RMND1: variants seen among roughly 807,000 people sequenced by gnomAD.
RMND1 encodes the protein required for meiotic nuclear division protein 1 homolog.
RMND1 carries 41 observed loss-of-function variants against 54.0 expected under a neutral mutation model. The ratio of observed to expected loss-of-function variants is 0.76; its 90% CI spans 0.59 to 0.98. The LOEUF is 0.98. RMND1 is among the 50% of genes least tolerant of loss of function. The pLI is 0.00. For missense variants in RMND1, 457 were observed against 532.0 expected, an observed-to-expected ratio of 0.86 and a Z score of 1.39; for synonymous variants, 183 against 181.7, an observed-to-expected ratio of 1.01 and a Z score of -0.06.
At chr6:151,413,283 ACT>A (rs1403524439) in intron 10 of RMND1, among the ~76,000 whole-genome samples, 1 of 152,230 alleles carries the variant, frequency 6.6e-6, no homozygotes, top group Non-Finnish European at 1.5e-5. Context: ...AGACAGTCTC[ACT>A]CTGTCACCCA....
At chr6:151,408,070 A>G (rs1779689544) in intron 10 of RMND1, among the ~76,000 whole-genome samples, 1 of 152,190 alleles carries the variant, frequency 6.6e-6, no homozygotes, top group African/African-American at 2.4e-5. Context: ...GGCAGTGGAC[A>G]TGAAGAAAAG....
At chr6:151,410,327 T>A (rs959414477) in intron 10 of RMND1, among the ~76,000 whole-genome samples, 1 of 152,176 alleles carries the variant, frequency 6.6e-6, no homozygotes, top group Non-Finnish European at 1.5e-5. Flanking sequence ...AATGCTGGGA[T>A]TACAGGCATG....
Position 151,421,242 on chromosome 6 carries a change from T to C in RMND1, c.1079+3A>G. ...ATATTTTATTTAGAGAGAAAACTTTTACCTTAGAGCAAAGAGTTCACCGAT... is the reference window on the plus strand; with the variant it reads ...ATATTTTATTTAGAGAGAAAACTTTCACCTTAGAGCAAAGAGTTCACCGAT... On this transcript the variant is annotated splice_donor_region_variant and intron_variant, in intron 9 of 11. Transcript: ENST00000444024. 1 of 1,585,322 alleles carries C rather than the reference T, an allele frequency of 6.3e-7. No homozygotes were observed. Among genetic ancestry groups the C allele is most frequent in the Non-Finnish European group, 8.6e-7 (1 of 1,160,574 alleles).
At chr6:151,428,874 T>A (rs943741084) in intron 5 of RMND1, among the ~76,000 whole-genome samples, 2 of 152,184 alleles carry the variant, frequency 1.3e-5, no homozygotes, top group African/African-American at 4.8e-5. Context: ...AAAGTAGTTT[T>A]TCCAAATGTA....
intron 5 of RMND1, 80 bp from the exon 6 acceptor site, chr6:151,427,662 A>T: frequency 1.2e-6 from 1 of 860,310 alleles, no homozygotes; most frequent in South Asian, 1.5e-5. Context: ...TGCTTATAAC[A>T]GTCTTCATTA....
At position 151,445,298 on chromosome 6, in the gene RMND1, C is replaced by T. The variant is rs1177070773; in HGVS notation, c.504+10G>A. Reference sequence around the variant, plus strand: ...ACTAAGCACGAGAGCCACGGCCACCCCTACTTTACCTCGTTCACAGACAGA... The same window carrying T: ...ACTAAGCACGAGAGCCACGGCCACCTCTACTTTACCTCGTTCACAGACAGA... On this transcript the variant is annotated intron_variant, in intron 2 of 11. Transcript: ENST00000444024. 16 of 1,597,418 alleles carry T rather than the reference C, an allele frequency of 1.0e-5. 1 individual carries two copies. In the Middle Eastern group the frequency reaches 5.0e-4, roughly 50 times the overall value.
At chr6:151,439,217 T>C (rs1442017617) in intron 2 of RMND1, among the ~76,000 whole-genome samples, 1 of 152,240 alleles carries the variant, frequency 6.6e-6, no homozygotes, top group Non-Finnish European at 1.5e-5. Flanking sequence ...AGAAATTACA[T>C]ACTATCTATG....
Position 151,421,285 on chromosome 6 carries a change from C to T in RMND1, c.1039G>A (p.Glu347Lys), listed in dbSNP as rs778086286. ...TCACCGATTTTCTGCATAACTTCTTCATGAGATAGTTTCACTTTCTTCCCA... is the reference window on the plus strand; with the variant it reads ...TCACCGATTTTCTGCATAACTTCTTTATGAGATAGTTTCACTTTCTTCCCA... ...KAGKKVKLSH[E>K]EVMQKIGELF... The change falls in exon 9 of 12, where the codon GAA (glutamate) becomes AAA (lysine). Residue 347 changes from glutamate (E) to lysine (K), a missense_variant. Coordinates refer to ENST00000444024, the MANE Select transcript of RMND1 (RefSeq NM_017909.4). 9.3e-6 allele frequency: 15 copies of T among 1,612,716 alleles called. No individual in the cohort carries two copies. The Admixed American group carries it at 1.7e-4, about 18-fold the overall frequency.
At chr6:151,450,704 T>C (rs9371521) in intron 1 of RMND1, among the ~76,000 whole-genome samples, 81,235 of 150,780 alleles carry the variant, frequency 0.54, 24,676 homozygotes, top group African/African-American at 0.82. Context: ...GGAGGTGTAC[T>C]CAACAGCTCA....
intron 6 of RMND1, among the ~76,000 whole-genome samples, chr6:151,424,865 G>A (rs1780250794): frequency 6.7e-6 from 1 of 149,240 alleles, no homozygotes. Flanking sequence ...CCAAAGGGAG[G>A]GGGACAAGGG....
chr6:151,433,233 G>A lies in RMND1; in HGVS notation c.614-3C>T. On this transcript the variant is annotated splice_polypyrimidine_tract_variant and splice_region_variant and intron_variant, in intron 3 of 11. Transcript: ENST00000444024. ...CATCACCAAAATATTTGCTGCATCT[G>A]TGATTTAAAATAAACGAACAAAAAA... The A allele has an allele frequency of 6.2e-7, 1 of 1,606,094 alleles. No homozygotes were observed. The highest frequency in any genetic ancestry group is 8.5e-7 in the Non-Finnish European group (1 of 1,174,352).
chr6:151,422,540 C>G lies in RMND1; in HGVS notation c.1002+1G>C. 1 of 1,457,112 alleles carries G rather than the reference C, an allele frequency of 6.9e-7. No individual in the cohort carries two copies. The highest frequency in any genetic ancestry group is 9.3e-7 in the Non-Finnish European group (1 of 1,071,768). 90.3% of individuals were successfully genotyped at this position (1,457,112 alleles called of 1,614,324 possible). ...AATAAGCATAAAATTGATATAATTA[C>G]CTCAGGAATTGACTGAATAGATTCA... is the stretch of plus-strand genomic sequence containing the variant. On this transcript the variant is annotated splice_donor_variant, in intron 8 of 11. Coordinates refer to ENST00000444024, the MANE Select transcript of RMND1 (RefSeq NM_017909.4). LOFTEE classifies it high-confidence loss of function.
At chr6:151,448,954 A>G (rs893791729) in intron 1 of RMND1, among the ~76,000 whole-genome samples, 2 of 150,538 alleles carry the variant, frequency 1.3e-5, no homozygotes, top group African/African-American at 4.9e-5. Context: ...GCATGGGCCT[A>G]TAATCCCAGT....
chr6:151,449,371 A>C (rs1313994523), intron 1 of RMND1, among the ~76,000 whole-genome samples: 23 of 117,138 alleles, frequency 2.0e-4, no homozygotes, highest in African/African-American at 6.9e-4. Flanking sequence ...TCTGTAACGA[A>C]AAAAAAAAAA....
chr6:151,423,495 T>C, intron 7 of RMND1, 30 bp downstream of exon 7: 1 of 1,373,814 alleles, frequency 7.3e-7, no homozygotes, highest in Non-Finnish European at 1.0e-6. Context: ...ACAACTGTAG[T>C]ACCCTATCCC....
At chr6:151,424,121 G>A (rs376995357) in intron 6 of RMND1, among the ~76,000 whole-genome samples, 34 of 152,056 alleles carry the variant, frequency 2.2e-4, no homozygotes, top group African/African-American at 5.8e-4. Flanking sequence ...AAAGTGGTGC[G>A]ACTACAGGTG....
intron 10 of RMND1, chr6:151,413,942 C>T (rs1282001082): frequency 6.6e-6 from 1 of 152,224 alleles, no homozygotes; most frequent in East Asian, 1.9e-4. Flanking sequence ...TCAGTGACAA[C>T]TGCAGATAGC....
At chr6:151,447,043 G>T (rs963694824) in intron 1 of RMND1, among the ~76,000 whole-genome samples, 2 of 152,182 alleles carry the variant, frequency 1.3e-5, no homozygotes, top group African/African-American at 2.4e-5. Flanking sequence ...AATTGCTCTA[G>T]TCCAGAGAAA....
At position 151,417,144 on chromosome 6, in the gene RMND1, CAG is replaced by C. The variant is rs1273837602; in HGVS notation, c.1200+133_1200+134del. 79 of 958,156 alleles carry C rather than the reference CAG, an allele frequency of 8.2e-5. No individual in the cohort carries two copies. The African/African-American group carries it at 1.2e-3, about 14-fold the overall frequency. The allele number at this position is 958,156 out of a possible 1,614,324, so 59.4% of individuals were successfully genotyped here. A position where few individuals can be genotyped will look rare whatever the true frequency, so the allele number is the denominator to read the frequency against. On this transcript the variant is annotated intron_variant, in intron 10 of 11. Coordinates refer to ENST00000444024, the MANE Select transcript of RMND1 (RefSeq NM_017909.4). ...GACACAAAAAATTGAAGTGACTGTACAGAGGACAAGAAGGGGAAATATAAAGA... is the reference window on the plus strand; with the variant it reads ...GACACAAAAAATTGAAGTGACTGTACAGGACAAGAAGGGGAAATATAAAGA...
Sources: gnomAD v4.1 joint callset for allele counts (sites outside exome capture counted in the v4.1 genomes callset) on GRCh38, gnomAD v4.1.1 for gene constraint, MANE v1.5 for transcripts, NCBI Gene and HGNC (gene_info 2026-07-23, HGNC 2026-07-21) for gene names.